The following HCN1 variants were observed in gnomAD, a reference collection of about 807,000 sequenced individuals.
HCN1 encodes potassium/sodium hyperpolarization-activated cyclic nucleotide-gated channel 1.
HCN1 carries 13 observed loss-of-function variants against 78.9 expected under a neutral mutation model. The ratio of observed to expected loss-of-function variants is 0.16; its 90% CI spans 0.11 to 0.26. The LOEUF is 0.26. Ranked by LOEUF, HCN1 falls within the 10% of genes least tolerant of loss-of-function variation. The pLI is 1.00. For synonymous variants in HCN1, 552 were observed against 455.5 expected (o/e 1.21, Z -2.70); for missense variants, 810 against 1,154.3 (o/e 0.70, Z 4.32).
chr5:45,658,058 G>T (rs759350683), intron 1 of HCN1, among the ~76,000 whole-genome samples: 28 of 152,156 alleles, frequency 1.8e-4, no homozygotes, highest in Non-Finnish European at 4.0e-4. Flanking sequence ...CAATGGAACA[G>T]AACAGAGCCC....
chr5:45,652,342 T>C (rs1745690507), intron 1 of HCN1, among the ~76,000 whole-genome samples: 1 of 151,948 alleles, frequency 6.6e-6, no homozygotes, highest in South Asian at 2.1e-4. Flanking sequence ...TTTCTATGAC[T>C]CTACATTATA....
At chr5:45,660,679 A>C (rs1338321581) in intron 1 of HCN1, among the ~76,000 whole-genome samples, 3 of 144,636 alleles carry the variant, frequency 2.1e-5, no homozygotes, top group African/African-American at 7.7e-5. Flanking sequence ...ACAGACTTTA[A>C]ACCAACAAAG....
intron 2 of HCN1, among the ~76,000 whole-genome samples, chr5:45,523,591 T>C (rs1742663522): frequency 6.6e-6 from 1 of 152,204 alleles, no homozygotes; most frequent in Non-Finnish European, 1.5e-5. Flanking sequence ...GGTTTTGATT[T>C]GCATTTCTCT....
Position 45,499,321 on chromosome 5 carries a change from G to A in HCN1, c.850-37314C>T, listed in dbSNP as rs574511294. 1.3e-3 allele frequency among the ~76,000 whole-genome samples: 193 copies of A among 152,310 alleles called. 1 individual carries two copies. The highest frequency in any genetic ancestry group is 1.1e-3 in the Non-Finnish European group (74 of 68,022). ...CGTTTTTTAAGACGGTTGGAAAAGCGTAGTATTCGGGTGGGAGTGACCCGA... is the reference window on the plus strand; with the variant it reads ...CGTTTTTTAAGACGGTTGGAAAAGCATAGTATTCGGGTGGGAGTGACCCGA... On this transcript the variant is annotated intron_variant, in intron 2 of 7. Coordinates refer to ENST00000303230, the MANE Select transcript of HCN1 (RefSeq NM_021072.4).
chr5:45,623,692 A>G (rs570718326), intron 2 of HCN1, among the ~76,000 whole-genome samples: 1 of 152,284 alleles, frequency 6.6e-6, no homozygotes, highest in African/African-American at 2.4e-5. Context: ...TAACTCCTTT[A>G]CGTTGTTTTA....
chr5:45,381,443 G>T (rs1401660139), intron 4 of HCN1, among the ~76,000 whole-genome samples: 1 of 151,964 alleles, frequency 6.6e-6, no homozygotes. Flanking sequence ...TCAGAAATTT[G>T]AAACAAATAA....
At chr5:45,347,735 C>T (rs543963940) in intron 5 of HCN1, among the ~76,000 whole-genome samples, 35 of 151,898 alleles carry the variant, frequency 2.3e-4, no homozygotes, top group East Asian at 7.8e-4. Flanking sequence ...CCTCAGGAGC[C>T]GATGCGATCA....
In HCN1 at chr5:45,449,481, C is replaced by T. The variant is rs185166008; in HGVS notation, c.1011+12365G>A. Among the ~76,000 whole-genome samples, 413 of 152,276 alleles carry T rather than the reference C, an allele frequency of 2.7e-3. 2 individuals carry two copies. The highest frequency in any genetic ancestry group is 9.1e-3 in the African/African-American group (379 of 41,554). On this transcript the variant is annotated intron_variant, in intron 3 of 7. Transcript: ENST00000303230. Reference sequence around the variant, plus strand: ...CTAGGCATGCCAAGAGCTCATCAGTCGTCTGCTTTAAGGAGATTAGATGTC... The same window carrying T: ...CTAGGCATGCCAAGAGCTCATCAGTTGTCTGCTTTAAGGAGATTAGATGTC...
At chr5:45,663,961 T>C (rs1197559908) in intron 1 of HCN1, among the ~76,000 whole-genome samples, 1 of 144,818 alleles carries the variant, frequency 6.9e-6, no homozygotes, top group African/African-American at 2.6e-5. Context: ...TTACTGGGTA[T>C]ATACCCAAAT....
rs1363691764 is a variant in HCN1, at chr5:45,255,027, A to G, written c.*6894T>C. On this transcript the variant is annotated 3_prime_UTR_variant, in exon 8 of 8. Coordinates refer to ENST00000303230, the MANE Select transcript of HCN1 (RefSeq NM_021072.4). ...AAATGTTACAGAAGGCAATGGACAC[A>G]TTGTACTGATGTGATATTAAGAAAC... The G allele has an allele frequency of 6.6e-6, 1 of 152,202 alleles. No individual in the cohort carries two copies. The highest frequency in any genetic ancestry group is 1.5e-5 in the Non-Finnish European group (1 of 68,032). 9.4% of individuals were successfully genotyped at this position (152,202 alleles called of 1,614,324 possible). A position where few individuals can be genotyped will look rare whatever the true frequency, so the allele number is the denominator to read the frequency against.
In HCN1 at chr5:45,258,432, G is replaced by T. The variant is rs937441212; in HGVS notation, c.*3489C>A. The T allele has an allele frequency of 9.2e-5, 14 of 152,096 alleles. No homozygotes were observed. Among genetic ancestry groups the T allele is most frequent in the Non-Finnish European group, 1.3e-4 (9 of 67,988 alleles). The allele number at this position is 152,096 out of a possible 1,614,324, so 9.4% of individuals were successfully genotyped here. ...TTTAAAGTGGAACAGCATTCATCAG[G>T]GAATTGTTCACTTATGAAGAGGTCA... On this transcript the variant is annotated 3_prime_UTR_variant, in exon 8 of 8. Coordinates refer to ENST00000303230, the MANE Select transcript of HCN1 (RefSeq NM_021072.4).
intron 2 of HCN1, among the ~76,000 whole-genome samples, chr5:45,569,813 CATT>C (rs1377595972): frequency 6.6e-6 from 1 of 151,966 alleles, no homozygotes; most frequent in Non-Finnish European, 1.5e-5. Context: ...ATGTGGGCAT[CATT>C]ATTATCATCA....
intron 2 of HCN1, among the ~76,000 whole-genome samples, chr5:45,491,794 AG>A (rs1210982916): frequency 4.6e-5 from 7 of 152,198 alleles, no homozygotes; most frequent in Non-Finnish European, 8.8e-5. Flanking sequence ...ATAAAATTCC[AG>A]GTCTTGAGGA....
chr5:45,481,949 G>A (rs1318109015), intron 2 of HCN1, among the ~76,000 whole-genome samples: 1 of 144,888 alleles, frequency 6.9e-6, no homozygotes, highest in Non-Finnish European at 1.5e-5. Flanking sequence ...AGGATAAACT[G>A]AAATCCTAAA....
Sources: allele counts gnomAD v4.1 joint callset (sites outside exome capture counted in the v4.1 genomes callset), GRCh38; gene constraint gnomAD v4.1.1; transcripts MANE v1.5; gene names NCBI Gene and HGNC (gene_info 2026-07-23, HGNC 2026-07-21).